INPP4B: variants seen among roughly 807,000 people sequenced by gnomAD.
The protein encoded by INPP4B is inositol polyphosphate-4-phosphatase type II B.
A neutral mutation model predicts 122.5 loss-of-function variants in INPP4B; 55 were observed. The ratio of observed to expected loss-of-function variants is 0.45; its 90% CI spans 0.36 to 0.56. The LOEUF (loss-of-function observed/expected upper bound fraction) is 0.56. Among genes scored for constraint, INPP4B ranks in the 20% least tolerant of loss-of-function variants. The pLI, the probability that INPP4B is intolerant of heterozygous loss-of-function variation, is 0.00. For synonymous variants in INPP4B, 403 were observed against 388.7 expected, an observed-to-expected ratio of 1.04 and a Z score of -0.43; for missense variants, 1,000 against 1,097.7, an observed-to-expected ratio of 0.91 and a Z score of 1.26.
At chr4:142,227,520 C>T (rs1852076230) in intron 12 of INPP4B, among the ~76,000 whole-genome samples, 1 of 152,022 alleles carries the variant, frequency 6.6e-6, no homozygotes, top group Admixed American at 6.5e-5. Flanking sequence ...CAGCTTTTTA[C>T]ATCTCAGATA....
intron 25 of INPP4B, among the ~76,000 whole-genome samples, chr4:142,073,561 A>T (rs1056072219): frequency 6.6e-6 from 1 of 152,074 alleles, no homozygotes; most frequent in African/African-American, 2.4e-5. Context: ...GTTCTGATGG[A>T]AGACAAGAAG....
At chr4:142,657,223 T>A (rs1754327479) in intron 2 of INPP4B, among the ~76,000 whole-genome samples, 1 of 152,226 alleles carries the variant, frequency 6.6e-6, no homozygotes, top group Admixed American at 6.5e-5. Flanking sequence ...AGATAAAAGC[T>A]GTGGTATCCT....
chr4:142,483,607 T>C (rs994648884), intron 2 of INPP4B, among the ~76,000 whole-genome samples: 1 of 151,990 alleles, frequency 6.6e-6, no homozygotes, highest in African/African-American at 2.4e-5. Context: ...GGCAGAGAGC[T>C]AAGACAGGAT....
At chr4:142,788,686 T>A (rs1422734496) in intron 1 of INPP4B, among the ~76,000 whole-genome samples, 1 of 152,118 alleles carries the variant, frequency 6.6e-6, no homozygotes, top group African/African-American at 2.4e-5. Flanking sequence ...TGCTCATAGC[T>A]TAGCTCTCAC....
At chr4:142,616,372 G>A (rs1743705694) in intron 2 of INPP4B, among the ~76,000 whole-genome samples, 1 of 152,152 alleles carries the variant, frequency 6.6e-6, no homozygotes, top group South Asian at 2.1e-4. Context: ...CAGTGCTTCT[G>A]TAAAGAGGAT....
At chr4:142,431,059 T>G in intron 4 of INPP4B, 110 bp downstream of exon 4, 1 of 751,478 alleles carries the variant, frequency 1.3e-6, no homozygotes, top group Non-Finnish European at 2.2e-6. Flanking sequence ...TGCCATTTAT[T>G]AGAACCGAAG....
chr4:142,661,344 G>A (rs1755136657), intron 2 of INPP4B, among the ~76,000 whole-genome samples: 1 of 152,134 alleles, frequency 6.6e-6, no homozygotes, highest in South Asian at 2.1e-4. Context: ...ATTTCAACAT[G>A]CCAACTATAA....
chr4:142,109,295 T>A (rs1292691631), intron 22 of INPP4B, among the ~76,000 whole-genome samples: 3 of 152,174 alleles, frequency 2.0e-5, no homozygotes, highest in African/African-American at 7.2e-5. Flanking sequence ...TCATTCAGTC[T>A]CAATGAAAAA....
At chr4:142,235,382 G>T (rs1372486881) in intron 12 of INPP4B, among the ~76,000 whole-genome samples, 1 of 150,844 alleles carries the variant, frequency 6.6e-6, no homozygotes, top group Non-Finnish European at 1.5e-5. Context: ...TTATGTTAAT[G>T]AATATATGTT....
chr4:142,707,760 C>T (rs999003374), intron 2 of INPP4B, among the ~76,000 whole-genome samples: 1 of 152,120 alleles, frequency 6.6e-6, no homozygotes, highest in African/African-American at 2.4e-5. Flanking sequence ...AATGCAAGAA[C>T]AGGCAAATAC....
chr4:142,056,056 T>G (rs1037329564), intron 25 of INPP4B, among the ~76,000 whole-genome samples: 14 of 151,948 alleles, frequency 9.2e-5, no homozygotes, highest in African/African-American at 2.9e-4. Flanking sequence ...TCCTCGCATG[T>G]GCAGTTTGTA....
chr4:142,295,106 A>C (rs533764407), intron 9 of INPP4B, among the ~76,000 whole-genome samples: 30 of 152,294 alleles, frequency 2.0e-4, no homozygotes, highest in African/African-American at 5.8e-4. Context: ...GTTTAACCTG[A>C]AACAAACAAA....
At chr4:142,698,420 C>T (rs1436398891) in intron 2 of INPP4B, among the ~76,000 whole-genome samples, 1 of 151,906 alleles carries the variant, frequency 6.6e-6, no homozygotes, top group Non-Finnish European at 1.5e-5. Context: ...ATGATCTTGC[C>T]TTTTGTCTTA....
In INPP4B at chr4:142,268,191, C is replaced by T. The variant is rs1396762953; in HGVS notation, c.615+2472G>A. ...ACAAAAAATTAGCCGGGCATGGTGG[C>T]GGGTCCCTGTAGTCCCAGCTACTCG... On this transcript the variant is annotated intron_variant, in intron 10 of 25. Transcript: ENST00000262992. 2.0e-5 allele frequency among the ~76,000 whole-genome samples: 3 copies of T among 150,458 alleles called. No individual in the cohort carries two copies. In the East Asian group the frequency reaches 5.9e-4, roughly 30 times the overall value.
At chr4:142,750,659 A>G (rs1464467036) in intron 1 of INPP4B, among the ~76,000 whole-genome samples, 2 of 152,164 alleles carry the variant, frequency 1.3e-5, no homozygotes, top group African/African-American at 4.8e-5. Context: ...GTCTGAGAGC[A>G]GGTGGTGCTG....
At chr4:142,421,546 C>G (rs1580009082) in intron 5 of INPP4B, among the ~76,000 whole-genome samples, 1 of 152,030 alleles carries the variant, frequency 6.6e-6, no homozygotes, top group Non-Finnish European at 1.5e-5. Context: ...GATATACATG[C>G]AACAATTATA....
At chr4:142,410,880 A>G (rs371653083) in intron 5 of INPP4B, among the ~76,000 whole-genome samples, 1 of 152,314 alleles carries the variant, frequency 6.6e-6, no homozygotes, top group East Asian at 1.9e-4. Context: ...TTTTATACTA[A>G]TCATATGCTC....
At chr4:142,185,550 CTCTTAACTAAGAAA>C (rs1422854700) in intron 15 of INPP4B, among the ~76,000 whole-genome samples, 1 of 151,788 alleles carries the variant, frequency 6.6e-6, no homozygotes, top group Non-Finnish European at 1.5e-5. Context: ...ATTTAACTAC[CTCTTAACTAAGAAA>C]TCTTAGTTTC....
At chr4:142,442,714 G>A (rs1213751329) in intron 3 of INPP4B, among the ~76,000 whole-genome samples, 2 of 152,140 alleles carry the variant, frequency 1.3e-5, no homozygotes, top group Non-Finnish European at 2.9e-5. Context: ...GATACCTAAG[G>A]AAATTTACAT....
Sources: allele counts gnomAD v4.1 joint callset (sites outside exome capture counted in the v4.1 genomes callset), GRCh38; gene constraint gnomAD v4.1.1; transcripts MANE v1.5; gene names NCBI Gene and HGNC (gene_info 2026-07-23, HGNC 2026-07-21).